FMR1NB: variants seen among roughly 807,000 people sequenced by gnomAD.
FMR1NB encodes the protein FMR1 neighbor.
FMR1NB carries 10 observed loss-of-function variants against 16.8 expected under a neutral mutation model. That is an observed-to-expected ratio of 0.60 (90% CI 0.37 to 1.01). The LOEUF is 1.01. FMR1NB is among the 50% of genes least tolerant of loss of function. The pLI is 0.01. For synonymous variants in FMR1NB, 83 were observed against 79.1 expected (o/e 1.05, Z -0.26); for missense variants, 205 against 204.8 (o/e 1.00, Z 0.00).
chrX:148,004,273 A>G, intron 2 of FMR1NB, among the ~76,000 whole-genome samples: 1 of 112,343 alleles, frequency 8.9e-6, no homozygotes, highest in East Asian at 2.8e-4. Context: ...ACAACAACTA[A>G]TGATGATTTA....
At chrX:148,004,462 A>G (rs978383798) in intron 2 of FMR1NB, among the ~76,000 whole-genome samples, 1 of 112,444 alleles carries the variant, frequency 8.9e-6, no homozygotes, top group African/African-American at 3.2e-5. Flanking sequence ...TGAAGTAAAA[A>G]TTTTGTCCAA....
chrX:147,992,054 ACTTC>A (rs1487117733), intron 1 of FMR1NB, among the ~76,000 whole-genome samples: 17 of 111,926 alleles, frequency 1.5e-4, no homozygotes, highest in African/African-American at 5.5e-4. Context: ...TCCCATGTCT[ACTTC>A]CTTCCACACA....
chrX:148,011,012 G>C, intron 4 of FMR1NB, among the ~76,000 whole-genome samples: 1 of 111,130 alleles, frequency 9.0e-6, no homozygotes, highest in Non-Finnish European at 1.9e-5. Context: ...CTTAAAAAAT[G>C]AGAAGCACTT....
Position 148,003,275 on chromosome X carries a change from G to T in FMR1NB, c.352G>T (p.Glu118Ter). Residue 118 changes from glutamate (E) to a stop codon, truncating the protein, a stop_gained, in exon 2 of 6, where the codon GAA becomes TAA. Transcript: ENST00000370467. LOFTEE classifies it high-confidence loss of function. ...AAATGCTCATGGCCAATCTCTGGAA[G>T]AAGATTCCGCATTGGAAGCTTTGCT... ...SENAHGQSLE[E>*]DSALEALLNF... 1 of 1,211,135 alleles carries T rather than the reference G, an allele frequency of 8.3e-7. No homozygotes were observed. Among genetic ancestry groups the T allele is most frequent in the South Asian group, 1.8e-5 (1 of 56,896 alleles).
At chrX:148,009,707 T>C (rs1657899267) in intron 4 of FMR1NB, among the ~76,000 whole-genome samples, 1 of 111,426 alleles carries the variant, frequency 9.0e-6, no homozygotes, top group Non-Finnish European at 1.9e-5. Context: ...TTAAATTCTC[T>C]GATAAAGACA....
intron 1 of FMR1NB, among the ~76,000 whole-genome samples, chrX:147,993,171 T>C (rs1207260864): frequency 8.9e-6 from 1 of 112,861 alleles, no homozygotes; most frequent in African/African-American, 3.2e-5. Context: ...TTCCGGCACC[T>C]CGGGAGGCCG....
intron 1 of FMR1NB, among the ~76,000 whole-genome samples, chrX:148,002,511 T>A (rs180812424): frequency 2.7e-5 from 3 of 112,201 alleles, no homozygotes; most frequent in African/African-American, 9.7e-5. Context: ...TGATAATCAT[T>A]GCAAGCTAAC....
At chrX:148,016,874 C>T (rs2124626677) in intron 4 of FMR1NB, among the ~76,000 whole-genome samples, 1 of 111,056 alleles carries the variant, frequency 9.0e-6, no homozygotes, top group South Asian at 3.8e-4. Context: ...AGTCTTTCCA[C>T]TTAAGAGTAG....
At chrX:147,985,287 A>AT (rs1163889004) in intron 1 of FMR1NB, among the ~76,000 whole-genome samples, 9 of 111,151 alleles carry the variant, frequency 8.1e-5, no homozygotes, top group South Asian at 3.8e-4. Context: ...CCGTTCCTAG[A>AT]TTTTTTTTGT....
At chrX:148,024,352 G>A (rs1346589253) in intron 4 of FMR1NB, among the ~76,000 whole-genome samples, 1 of 111,893 alleles carries the variant, frequency 8.9e-6, no homozygotes, top group Non-Finnish European at 1.9e-5. Flanking sequence ...GCATGTGGTA[G>A]CCTCTCAAGT....
intron 4 of FMR1NB, among the ~76,000 whole-genome samples, chrX:148,011,739 C>T (rs782108158): frequency 1.9e-4 from 21 of 110,981 alleles, no homozygotes; most frequent in African/African-American, 5.6e-4. Context: ...TAATTACATT[C>T]AGATGGTGGT....
intron 3 of FMR1NB, among the ~76,000 whole-genome samples, chrX:148,008,417 G>A (rs58043019): frequency 0.01 from 1,170 of 112,051 alleles, 23 homozygotes; most frequent in African/African-American, 0.036. Flanking sequence ...TATTGAAAGT[G>A]TAGCCTTCAG....
chrX:148,008,852 C>T, intron 4 of FMR1NB, 141 bp downstream of exon 4: 1 of 535,287 alleles, frequency 1.9e-6, no homozygotes, highest in East Asian at 3.7e-5. Flanking sequence ...TTGGGAAAGA[C>T]CTAAAACTAG....
chrX:148,025,563 C>T (rs1369594582), intron 5 of FMR1NB, among the ~76,000 whole-genome samples: 1 of 111,504 alleles, frequency 9.0e-6, no homozygotes, highest in Non-Finnish European at 1.9e-5. Context: ...GATCCCTAGC[C>T]TTGACTTGGG....
intron 1 of FMR1NB, among the ~76,000 whole-genome samples, chrX:147,994,589 A>G (rs1484433872): frequency 2.7e-5 from 3 of 112,281 alleles, no homozygotes; most frequent in African/African-American, 9.7e-5. Flanking sequence ...AAGCTGAAAA[A>G]CAAAACTATA....
At chrX:148,025,305 C>A (rs2044698458) in intron 5 of FMR1NB, among the ~76,000 whole-genome samples, 1 of 111,154 alleles carries the variant, frequency 9.0e-6, no homozygotes, top group African/African-American at 3.3e-5. Flanking sequence ...TCTATGGCTC[C>A]CTGATAGACA....
intron 5 of FMR1NB, among the ~76,000 whole-genome samples, chrX:148,025,464 C>T (rs782581518): frequency 1.8e-5 from 2 of 111,501 alleles, no homozygotes; most frequent in South Asian, 3.8e-4. Flanking sequence ...CAAACCTGCA[C>T]GATGTAGTGT....
chrX:147,998,629 C>T, intron 1 of FMR1NB, among the ~76,000 whole-genome samples: 1 of 112,649 alleles, frequency 8.9e-6, no homozygotes, highest in Non-Finnish European at 1.9e-5. Context: ...TAAAGATTTG[C>T]CCTATGGCAA....
At chrX:147,981,780 T>G in intron 1 of FMR1NB, 101 bp downstream of exon 1, 10 of 874,963 alleles carry the variant, frequency 1.1e-5, no homozygotes, top group East Asian at 3.4e-5. Context: ...ACCATAGGCC[T>G]TCCTGCCCCT....
Sources: gnomAD v4.1 joint callset for allele counts (sites outside exome capture counted in the v4.1 genomes callset) on GRCh38, gnomAD v4.1.1 for gene constraint, MANE v1.5 for transcripts, NCBI Gene and HGNC (gene_info 2026-07-23, HGNC 2026-07-21) for gene names.